The following PHACTR2 variants were observed in gnomAD, a reference collection of about 807,000 sequenced individuals.
PHACTR2 encodes phosphatase and actin regulator 2, also known as chromosome 6 open reading frame 56.
Under a neutral mutation model 76.0 loss-of-function variants are expected in PHACTR2, and 30 were observed. The observed-to-expected ratio is 0.39, with a 90% CI of 0.30 to 0.54. The LOEUF (loss-of-function observed/expected upper bound fraction) is 0.54. PHACTR2 is among the 20% of genes least tolerant of loss of function. The pLI, the probability that PHACTR2 is intolerant of heterozygous loss-of-function variation, is 0.61. For missense variants in PHACTR2, 696 were observed against 781.1 expected (o/e 0.89, Z 1.30); for synonymous variants, 292 against 292.5 (o/e 1.00, Z 0.02).
At chr6:143,649,349 G>C (rs1244464309) in intron 1 of PHACTR2, among the ~76,000 whole-genome samples, 1 of 152,146 alleles carries the variant, frequency 6.6e-6, no homozygotes, top group African/African-American at 2.4e-5. Flanking sequence ...TATGAGGCCA[G>C]CATCATCCTG....
Position 143,621,107 on chromosome 6 carries a change from G to A in PHACTR2, c.13+12785G>A, listed in dbSNP as rs1339755126. Among the ~76,000 whole-genome samples the A allele has an allele frequency of 1.3e-5, 2 of 152,220 alleles. No homozygotes were observed. Among genetic ancestry groups the A allele is most frequent in the Admixed American group, 6.5e-5 (1 of 15,286 alleles). On this transcript the variant is annotated intron_variant, in intron 1 of 11. Coordinates refer to the PHACTR2 transcript ENST00000305766. The surrounding 1 kb of genome is among the most constrained non-coding windows in gnomAD (Gnocchi z 4.1). ...AAAGAACAAGAGCAGGATCATTAAA[G>A]AAGCCTTAGCATTTTCACACAGAGA... is the stretch of plus-strand genomic sequence containing the variant.
At chr6:143,660,764 G>A (rs7741901) in intron 1 of PHACTR2, among the ~76,000 whole-genome samples, 60 of 152,028 alleles carry the variant, frequency 3.9e-4, no homozygotes, top group Non-Finnish European at 6.0e-4. Context: ...ATTAAGGGCC[G>A]AGAGAACTTG....
At chr6:143,781,725 T>C (rs1270095950) in intron 9 of PHACTR2, among the ~76,000 whole-genome samples, 2 of 152,230 alleles carry the variant, frequency 1.3e-5, no homozygotes, top group Non-Finnish European at 2.9e-5. Flanking sequence ...AACCTAAGTA[T>C]GCATTTTTAA....
intron 1 of PHACTR2, among the ~76,000 whole-genome samples, chr6:143,685,487 G>A (rs969384769): frequency 3.3e-5 from 5 of 151,972 alleles, no homozygotes; most frequent in Non-Finnish European, 7.4e-5. Context: ...CTCACTATGG[G>A]CCAGGAACTA....
chr6:143,638,528 A>C (rs966430833), intron 1 of PHACTR2, among the ~76,000 whole-genome samples: 5 of 149,918 alleles, frequency 3.3e-5, no homozygotes, highest in African/African-American at 1.3e-4. Flanking sequence ...TGGGCCACAG[A>C]GCAAGACCTT....
rs867707671 is a variant in PHACTR2, at chr6:143,776,038, G to C, written c.1590-1290G>C. ...CCCAGCTACTCAGGAGGCTGAGGCA[G>C]TAATTTTGGAGGCAGAGGTTGCAGT... On this transcript the variant is annotated intron_variant, in intron 8 of 12. Coordinates refer to ENST00000440869, the MANE Select transcript of PHACTR2 (RefSeq NM_001100164.2). This position sits in a 1 kb window ranked among gnomAD's most constrained non-coding sequence, Gnocchi z 5.3. Among the ~76,000 whole-genome samples, 1 of 152,130 alleles carries C rather than the reference G, an allele frequency of 6.6e-6. No individual in the cohort carries two copies. Among genetic ancestry groups the C allele is most frequent in the Non-Finnish European group, 1.5e-5 (1 of 68,028 alleles).
rs1582733448 is a variant in PHACTR2, at chr6:143,647,851, T to G, written c.13+39529T>G. Among the ~76,000 whole-genome samples the G allele has an allele frequency of 6.6e-6, 1 of 151,936 alleles. No homozygotes were observed. On this transcript the variant is annotated intron_variant, in intron 1 of 11. Coordinates refer to the PHACTR2 transcript ENST00000305766. This position sits in a 1 kb window ranked among gnomAD's most constrained non-coding sequence, Gnocchi z 4.2. ...AGGTAAGGGAGAGCATAAGGGGAAA[T>G]GGGCACAGAGCTAGCCACAGCCAAC...
At chr6:143,725,661 C>G (rs933765390) in intron 2 of PHACTR2, among the ~76,000 whole-genome samples, 1 of 151,456 alleles carries the variant, frequency 6.6e-6, no homozygotes, top group Non-Finnish European at 1.5e-5. Context: ...ATGGTGAAAC[C>G]CCGTCTCTAC....
intron 5 of PHACTR2, among the ~76,000 whole-genome samples, chr6:143,762,097 G>A (rs1779456231): frequency 6.6e-6 from 1 of 152,266 alleles, no homozygotes; most frequent in East Asian, 1.9e-4. Flanking sequence ...ATCTGTGTGT[G>A]TTTTCTAGAC....
Position 143,541,749 on chromosome 6 carries a change from C to T in PHACTR2, c.217+4542C>T, listed in dbSNP as rs1253085145. ...TCAGTTCATATGCACTGCTTCCTGGCCACTTCCATGAGATACTGCTGTCCA... is the reference window on the plus strand; with the variant it reads ...TCAGTTCATATGCACTGCTTCCTGGTCACTTCCATGAGATACTGCTGTCCA... On this transcript the variant is annotated intron_variant, in intron 1 of 11. Transcript: ENST00000367584. This position sits in a 1 kb window ranked among gnomAD's most constrained non-coding sequence, Gnocchi z 5.3. Among the ~76,000 whole-genome samples, 1 of 152,190 alleles carries T rather than the reference C, an allele frequency of 6.6e-6. No homozygotes were observed. Among genetic ancestry groups the T allele is most frequent in the Non-Finnish European group, 1.5e-5 (1 of 68,030 alleles).
In PHACTR2 at chr6:143,659,192, C is replaced by T. The variant is rs1776904133; in HGVS notation, c.13+50870C>T. Among the ~76,000 whole-genome samples the T allele has an allele frequency of 6.6e-6, 1 of 152,126 alleles. No individual in the cohort carries two copies. The highest frequency in any genetic ancestry group is 6.6e-5 in the Admixed American group (1 of 15,258). On this transcript the variant is annotated intron_variant, in intron 1 of 11. Coordinates refer to the PHACTR2 transcript ENST00000305766. The surrounding 1 kb of genome is among the most constrained non-coding windows in gnomAD (Gnocchi z 5.0). ...CTATAGACTTTATAAACACTGTACACTTAGCCTACACTAAATTTATATTTA... is the reference window on the plus strand; with the variant it reads ...CTATAGACTTTATAAACACTGTACATTTAGCCTACACTAAATTTATATTTA...
chr6:143,728,722 A>G (rs560263500), intron 2 of PHACTR2, among the ~76,000 whole-genome samples: 4 of 152,322 alleles, frequency 2.6e-5, no homozygotes, highest in African/African-American at 9.6e-5. Flanking sequence ...GGTGCCAAGA[A>G]TATAGATTAG....
chr6:143,786,911 ATTTTTTTT>A (rs952034411), intron 10 of PHACTR2, among the ~76,000 whole-genome samples: 4 of 151,462 alleles, frequency 2.6e-5, no homozygotes, highest in Non-Finnish European at 4.4e-5. Flanking sequence ...AAACCATATC[ATTTTTTTT>A]TCTCAAAGCT....
chr6:143,579,062 C>G (rs1161042758), intron 1 of PHACTR2, among the ~76,000 whole-genome samples: 2 of 152,266 alleles, frequency 1.3e-5, no homozygotes, highest in East Asian at 3.9e-4. Flanking sequence ...TGCCACCACA[C>G]CTGGCTAATT....
intron 1 of PHACTR2, among the ~76,000 whole-genome samples, chr6:143,650,228 T>A (rs147184690): frequency 1.4e-4 from 21 of 152,220 alleles, no homozygotes; most frequent in African/African-American, 4.3e-4. Flanking sequence ...TGCTCATGGA[T>A]AGGAAGGATC....
rs1004256131 is a variant in PHACTR2, at chr6:143,776,634, A to G, written c.1590-694A>G. Among the ~76,000 whole-genome samples the G allele has an allele frequency of 1.3e-5, 2 of 151,654 alleles. No homozygotes were observed. The highest frequency in any genetic ancestry group is 2.9e-5 in the Non-Finnish European group (2 of 67,906). Reference sequence around the variant, plus strand: ...TCAGCCATGATCTGTAGGCCCACACATACCTGGTTTGAACCACTGCAGTTT... The same window carrying G: ...TCAGCCATGATCTGTAGGCCCACACGTACCTGGTTTGAACCACTGCAGTTT... On this transcript the variant is annotated intron_variant, in intron 8 of 12. Transcript: ENST00000440869. The surrounding 1 kb of genome is among the most constrained non-coding windows in gnomAD (Gnocchi z 5.3).
rs1265820747 is a variant in PHACTR2 at position 143,596,665 on chromosome 6, C to A, written c.217+59458C>A. 6.6e-6 allele frequency among the ~76,000 whole-genome samples: 1 copy of A among 151,728 alleles called. No individual in the cohort carries two copies. Among genetic ancestry groups the A allele is most frequent in the African/African-American group, 2.4e-5 (1 of 41,270 alleles). ...ATCAGCCTGGGCAACATAGTGAGAC[C>A]CCATTTTACTAAAAATAAAAAAGTT... On this transcript the variant is annotated intron_variant, in intron 1 of 11. Coordinates refer to the PHACTR2 transcript ENST00000367584. This position sits in a 1 kb window ranked among gnomAD's most constrained non-coding sequence, Gnocchi z 4.6.
rs1044818829 is a variant in PHACTR2, at chr6:143,610,660, TC to T, written c.13+2340del. The stretch of plus-strand genomic sequence containing the variant: ...TAAAGTAAGATGAGCTGCTTGGGAC[TC>T]CGGCCCTTTTGGTGGGTGTGTGTAC... On this transcript the variant is annotated intron_variant, in intron 1 of 11. Transcript: ENST00000305766. The surrounding 1 kb of genome is among the most constrained non-coding windows in gnomAD (Gnocchi z 4.9). Among the ~76,000 whole-genome samples the T allele has an allele frequency of 2.6e-5, 4 of 152,204 alleles. No homozygotes were observed. The highest frequency in any genetic ancestry group is 4.4e-5 in the Non-Finnish European group (3 of 68,034).
chr6:143,587,517 A>G (rs1775642616), intron 1 of PHACTR2, among the ~76,000 whole-genome samples: 1 of 152,244 alleles, frequency 6.6e-6, no homozygotes, highest in Non-Finnish European at 1.5e-5. Context: ...CAAACACTGC[A>G]GCCGCAAGCA....
Sources: allele counts gnomAD v4.1 joint callset (sites outside exome capture counted in the v4.1 genomes callset), GRCh38; gene constraint gnomAD v4.1.1; non-coding constraint Gnocchi (gnomAD v3.1); transcripts MANE v1.5; gene names NCBI Gene and HGNC (gene_info 2026-07-23, HGNC 2026-07-21).